Variants in KIF26B observed in about 807,000 individuals in gnomAD.
KIF26B encodes the protein kinesin family member 26B, also known as kinesin-like protein KIF26B.
In KIF26B, 63 loss-of-function variants were observed where a neutral mutation model predicts 151.2. The ratio of observed to expected loss-of-function variants is 0.42; its 90% CI spans 0.34 to 0.51. KIF26B has a LOEUF of 0.51. KIF26B is among the 20% of genes least tolerant of loss of function. KIF26B has a pLI of 0.07. For missense variants in KIF26B, 2,813 were observed against 2,913.6 expected (o/e 0.97, Z 0.79); for synonymous variants, 1,357 against 1,262.1 (o/e 1.08, Z -1.59).
intron 2 of KIF26B, among the ~76,000 whole-genome samples, chr1:245,207,030 T>A (rs1225914585): frequency 3.3e-5 from 5 of 152,298 alleles, no homozygotes; most frequent in East Asian, 3.9e-4. Flanking sequence ...CGATTTCGGC[T>A]TAGGGTCCTC....
intron 9 of KIF26B, among the ~76,000 whole-genome samples, chr1:245,618,403 G>A (rs1322632310): frequency 6.6e-6 from 1 of 150,980 alleles, no homozygotes; most frequent in African/African-American, 2.4e-5. Flanking sequence ...CCGTCCTGGG[G>A]CTATGTCCGC....
At chr1:245,557,683 T>C (rs1390636585) in intron 5 of KIF26B, among the ~76,000 whole-genome samples, 2 of 152,144 alleles carry the variant, frequency 1.3e-5, no homozygotes, top group Admixed American at 6.6e-5. Flanking sequence ...CAGACGCCTG[T>C]TCAAGAGATG....
chr1:245,204,907 A>G (rs905964383), intron 2 of KIF26B, among the ~76,000 whole-genome samples: 2 of 151,992 alleles, frequency 1.3e-5, no homozygotes, highest in Non-Finnish European at 2.9e-5. Context: ...CAGCCTCCCA[A>G]GTAGCTGGGA....
In KIF26B at chr1:245,671,440, G is replaced by A. The variant is rs572589093; in HGVS notation, c.2259-12793G>A. Among the ~76,000 whole-genome samples, 14 of 152,314 alleles carry A rather than the reference G, an allele frequency of 9.2e-5. No homozygotes were observed. In the South Asian group the frequency reaches 2.7e-3, roughly 29 times the overall value. On this transcript the variant is annotated intron_variant, in intron 10 of 14. Coordinates refer to ENST00000407071, the MANE Select transcript of KIF26B (RefSeq NM_018012.4). ...GGTACCTGGCACAGGCAAATTCATA[G>A]AGACACAAAGTAGAATGGTGGTTAC...
At chr1:245,282,100 C>G (rs962136845) in intron 2 of KIF26B, among the ~76,000 whole-genome samples, 52 of 152,092 alleles carry the variant, frequency 3.4e-4, no homozygotes, top group Admixed American at 5.2e-4. Context: ...AAAGAGGATA[C>G]AAACAAATGG....
chr1:245,529,976 G>GA lies in KIF26B; in HGVS notation c.1167-10782dup, dbSNP rs201807950. ...TATAAGGAGCTCAAACAACTCTATG[G>GA]AAAAAAAAATCTAATAATCCAATTT... On this transcript the variant is annotated intron_variant, in intron 4 of 14. Transcript: ENST00000407071. Among the ~76,000 whole-genome samples the GA allele has an allele frequency of 2.4e-4, 36 of 151,116 alleles. No homozygotes were observed. The East Asian group carries it at 3.3e-3, about 14-fold the overall frequency.
chr1:245,570,690 T>C (rs1015945609), intron 5 of KIF26B, among the ~76,000 whole-genome samples: 1 of 152,232 alleles, frequency 6.6e-6, no homozygotes, highest in African/African-American at 2.4e-5. Flanking sequence ...ACACCAGCTC[T>C]TGGTGTTTGC....
chr1:245,308,136 G>A (rs1242899808), intron 2 of KIF26B, among the ~76,000 whole-genome samples: 1 of 152,154 alleles, frequency 6.6e-6, no homozygotes, highest in Non-Finnish European at 1.5e-5. Flanking sequence ...TTCCCAGAGA[G>A]AGTTTAAACC....
At chr1:245,464,517 ATGTGTGGC>A (rs889570068) in intron 4 of KIF26B, among the ~76,000 whole-genome samples, 1 of 101,978 alleles carries the variant, frequency 9.8e-6, no homozygotes, top group Non-Finnish European at 2.0e-5. Flanking sequence ...GCATGTGTGG[ATGTGTGGC>A]ACCATGTGTG....
intron 5 of KIF26B, among the ~76,000 whole-genome samples, chr1:245,588,831 G>A (rs1051756978): frequency 6.6e-6 from 1 of 152,180 alleles, no homozygotes; most frequent in African/African-American, 2.4e-5. Context: ...TCCTGGGAAA[G>A]GGGGCCTTTT....
At position 245,443,633 on chromosome 1, in the gene KIF26B, G is replaced by C. The variant is rs1189760791; in HGVS notation, c.1166+23888G>C. Among the ~76,000 whole-genome samples, 5 of 99,186 alleles carry C rather than the reference G, an allele frequency of 5.0e-5. 1 individual carries two copies. The East Asian group carries it at 2.6e-3, about 51-fold the overall frequency. The allele number at this position is 99,186 out of a possible 152,430, so 65.1% of individuals were successfully genotyped here. On this transcript the variant is annotated intron_variant, in intron 4 of 14. Transcript: ENST00000407071. ...GGTCATCTCCCTCACTGTTCACCTA[G>C]AGCGGTCATCTCTCTCACTGTTCAC...
intron 4 of KIF26B, among the ~76,000 whole-genome samples, chr1:245,523,135 T>C (rs1304334399): frequency 6.6e-6 from 1 of 152,198 alleles, no homozygotes; most frequent in Non-Finnish European, 1.5e-5. Flanking sequence ...GAGCTCTGAG[T>C]GTCAGAAAGA....
At chr1:245,694,941 G>A (rs1310250034) in intron 12 of KIF26B, among the ~76,000 whole-genome samples, 3 of 152,198 alleles carry the variant, frequency 2.0e-5, no homozygotes, top group South Asian at 2.1e-4. Flanking sequence ...CCAACCCACC[G>A]GCGTCAGCAG....
intron 2 of KIF26B, among the ~76,000 whole-genome samples, chr1:245,255,677 G>T (rs1670519574): frequency 6.6e-6 from 1 of 152,134 alleles, no homozygotes; most frequent in Non-Finnish European, 1.5e-5. Context: ...AAATCAGTTT[G>T]TCTTCTTTTG....
rs114167884 is a variant in KIF26B at position 245,418,856 on chromosome 1, C to G, written c.1000-723C>G. ...TTTTGCCCCAAAGTTTGATTCTTCA[C>G]AGCTTATTACGTAGATTTAGGCAAA... On this transcript the variant is annotated intron_variant, in intron 3 of 14. Coordinates refer to ENST00000407071, the MANE Select transcript of KIF26B (RefSeq NM_018012.4). 4.7e-3 allele frequency among the ~76,000 whole-genome samples: 711 copies of G among 152,230 alleles called. 6 individuals are homozygous for G. The highest frequency in any genetic ancestry group is 0.016 in the African/African-American group (677 of 41,532).
chr1:245,497,014 G>T (rs1481156409), intron 4 of KIF26B, among the ~76,000 whole-genome samples: 1 of 152,036 alleles, frequency 6.6e-6, no homozygotes, highest in Non-Finnish European at 1.5e-5. Flanking sequence ...TTAGCTGGGT[G>T]TGGTGGCGCA....
chr1:245,211,083 C>A (rs751532768), intron 2 of KIF26B, among the ~76,000 whole-genome samples: 3 of 152,134 alleles, frequency 2.0e-5, no homozygotes, highest in Non-Finnish European at 4.4e-5. Context: ...TGTTTCCCAG[C>A]GATGGGCCTG....
intron 2 of KIF26B, among the ~76,000 whole-genome samples, chr1:245,300,173 G>T (rs1203503230): frequency 1.3e-5 from 2 of 152,210 alleles, no homozygotes; most frequent in Admixed American, 1.3e-4. Context: ...GCAACTATTT[G>T]TTGAGTGGAA....
chr1:245,606,347 C>G lies in KIF26B; in HGVS notation c.1558-1304C>G, dbSNP rs73137681. ...CAACATTCACGGCCCAGGTGCCCAC[C>G]GGGAGGCACGCTGCCCCGAGGGCTG... On this transcript the variant is annotated intron_variant, in intron 6 of 14. Transcript: ENST00000407071. The surrounding 1 kb of genome is among the most constrained non-coding windows in gnomAD (Gnocchi z 4.6). 0.062 allele frequency among the ~76,000 whole-genome samples: 9,481 copies of G among 152,226 alleles called. 987 individuals are homozygous for G. Among genetic ancestry groups the G allele is most frequent in the African/African-American group, 0.22 (8,948 of 41,500 alleles).
Sources: allele counts gnomAD v4.1 joint callset (sites outside exome capture counted in the v4.1 genomes callset), GRCh38; gene constraint gnomAD v4.1.1; non-coding constraint Gnocchi (gnomAD v3.1); transcripts MANE v1.5; gene names NCBI Gene and HGNC (gene_info 2026-07-23, HGNC 2026-07-21).